The following SGSM3 variants were observed in gnomAD, a reference collection of about 807,000 sequenced individuals.
The protein encoded by SGSM3 is RUN and SH3 containing 3.
In SGSM3, 96 loss-of-function variants were observed where a neutral mutation model predicts 100.5. The observed-to-expected ratio is 0.96, with a 90% CI of 0.81 to 1.13. The LOEUF (loss-of-function observed/expected upper bound fraction) is 1.13. Among genes scored for constraint, SGSM3 ranks in the 50% most tolerant of loss-of-function variants. The probability of loss-of-function intolerance (pLI) is 0.00; values close to 1 mark genes in which losing one functional copy is unlikely to be tolerated. For synonymous variants in SGSM3, 483 were observed against 422.8 expected (o/e 1.14, Z -1.75); for missense variants, 1,001 against 1,015.8 (o/e 0.99, Z 0.20).
intron 1 of SGSM3, among the ~76,000 whole-genome samples, chr22:40,391,452 TAAAAG>T (rs1009000380): frequency 6.6e-6 from 1 of 151,980 alleles, no homozygotes; most frequent in Non-Finnish European, 1.5e-5. Context: ...TACAAAAAAA[TAAAAG>T]AAAATTAGCC....
At chr22:40,380,361 A>G (rs962122025) in intron 1 of SGSM3, among the ~76,000 whole-genome samples, 1 of 143,874 alleles carries the variant, frequency 7.0e-6, no homozygotes, top group African/African-American at 2.6e-5. Context: ...ATGAATATCT[A>G]TAATTTTTTT....
At chr22:40,386,562 C>CTTTT (rs60319316) in intron 1 of SGSM3, among the ~76,000 whole-genome samples, 1,111 of 68,354 alleles carry the variant, frequency 0.016, 54 homozygotes, top group Non-Finnish European at 0.019. Flanking sequence ...AATTTTCTTA[C>CTTTT]TTTTTTTTTT....
chr22:40,402,955 C>T (rs1270342244), intron 4 of SGSM3, among the ~76,000 whole-genome samples: 3 of 152,186 alleles, frequency 2.0e-5, no homozygotes, highest in Non-Finnish European at 4.4e-5. Flanking sequence ...AACTAATCAC[C>T]TTCAGGTCAC....
chr22:40,409,425 G>A, intron 20 of SGSM3, 40 bp from the exon 21 acceptor site: 2 of 1,568,234 alleles, frequency 1.3e-6, no homozygotes, highest in South Asian at 1.2e-5. Context: ...AGGGCTAGCT[G>A]GGGGTGACAA....
intron 17 of SGSM3, 28 bp downstream of exon 17, chr22:40,408,725 G>A: frequency 6.2e-7 from 1 of 1,613,712 alleles, no homozygotes; most frequent in Non-Finnish European, 8.5e-7. Flanking sequence ...CTTCTGGTGG[G>A]GTCACCAGCA....
intron 1 of SGSM3, among the ~76,000 whole-genome samples, chr22:40,396,316 G>A (rs1430561190): frequency 1.3e-5 from 2 of 152,108 alleles, no homozygotes; most frequent in African/African-American, 4.8e-5. Flanking sequence ...CTCAGGCCGG[G>A]TGCGGTGGCT....
In SGSM3 at chr22:40,407,422, C is replaced by T; in HGVS notation, c.1378C>T (p.Pro460Ser). 6.2e-7 allele frequency: 1 copy of T among 1,612,564 alleles called. No individual in the cohort carries two copies. Among genetic ancestry groups the T allele is most frequent in the Non-Finnish European group, 8.5e-7 (1 of 1,179,506 alleles). ...GTGTTCACTGTGGCAGGAGCTGACT[C>T]CAGACTATAGCATGGAGAGCCACCA... ...DPKNCSVELT[P>S]DYSMESHQRD... Residue 460 changes from proline (P) to serine (S), a missense_variant, in exon 13 of 22, where the codon CCA becomes TCA. Coordinates refer to ENST00000248929, the MANE Select transcript of SGSM3 (RefSeq NM_015705.6). The surrounding 1 kb of genome is among the most constrained non-coding windows in gnomAD (Gnocchi z 4.7).
Position 40,408,442 on chromosome 22 carries a change from C to T in SGSM3, c.1782+13C>T. 6.2e-7 allele frequency: 1 copy of T among 1,613,228 alleles called. No homozygotes were observed. Among genetic ancestry groups the T allele is most frequent in the Non-Finnish European group, 8.5e-7 (1 of 1,179,860 alleles). ...GTTTATCGAGGAGGTAAGTCAGTGG[C>T]TGGGCCCATGACCCCCACCCTGCAC... On this transcript the variant is annotated intron_variant, in intron 16 of 21. Coordinates refer to ENST00000248929, the MANE Select transcript of SGSM3 (RefSeq NM_015705.6).
At chr22:40,394,477 C>G (rs555273588) in intron 1 of SGSM3, among the ~76,000 whole-genome samples, 2 of 152,158 alleles carry the variant, frequency 1.3e-5, no homozygotes, top group African/African-American at 4.8e-5. Context: ...GAAACCCCAT[C>G]TCTACTAAAA....
chr22:40,379,161 G>A (rs934877536), intron 1 of SGSM3, among the ~76,000 whole-genome samples: 6 of 152,114 alleles, frequency 3.9e-5, no homozygotes, highest in Non-Finnish European at 5.9e-5. Context: ...TAGAATGCTG[G>A]GACTTTCAAA....
Position 40,400,744 on chromosome 22 carries a change from A to AGATAGCAGG in SGSM3, c.-62_-54dup. ...AAGCCTGAGGAGCCTTCCAGCTCTA[A>AGATAGCAGG]GATAGCAGGATAGGAGACTTCTAAG... On this transcript the variant is annotated 5_prime_UTR_variant, in exon 2 of 22. Coordinates refer to ENST00000248929, the MANE Select transcript of SGSM3 (RefSeq NM_015705.6). 6.6e-7 allele frequency: 1 copy of AGATAGCAGG among 1,523,256 alleles called. No individual in the cohort carries two copies. Among genetic ancestry groups the AGATAGCAGG allele is most frequent in the South Asian group, 1.2e-5 (1 of 83,532 alleles). 94.4% of individuals were successfully genotyped at this position (1,523,256 alleles called of 1,614,324 possible). A position where few individuals can be genotyped will look rare whatever the true frequency, so the allele number is the denominator to read the frequency against.
intron 8 of SGSM3, 81 bp from the exon 9 acceptor site, chr22:40,405,997 G>A: frequency 6.4e-7 from 1 of 1,550,780 alleles, no homozygotes. Flanking sequence ...TTGCTCTTAA[G>A]CAGGGAGGAC....
At chr22:40,395,510 C>T (rs555955828) in intron 1 of SGSM3, among the ~76,000 whole-genome samples, 8 of 152,078 alleles carry the variant, frequency 5.3e-5, no homozygotes, top group Non-Finnish European at 8.8e-5. Context: ...TTAGTGGAGA[C>T]GGGGTTTCAC....
chr22:40,404,371 G>T lies in SGSM3; in HGVS notation c.282G>T (p.Trp94Cys). Residue 94 changes from tryptophan (W) to cysteine (C), a missense_variant, in exon 5 of 22, where the codon TGG becomes TGT. Trp to Cys is a radical substitution (Grantham distance 215). Coordinates refer to ENST00000248929, the MANE Select transcript of SGSM3 (RefSeq NM_015705.6). ...ACCACGATGTGGGGGATCTCACCTG[G>T]GACAAGATTGCCGTCTCCCTACCCC... ...THNHDVGDLT[W>C]DKIAVSLPRS... 3.1e-6 allele frequency: 5 copies of T among 1,608,108 alleles called. No homozygotes were observed. Among genetic ancestry groups the T allele is most frequent in the Non-Finnish European group, 4.2e-6 (5 of 1,176,754 alleles).
Position 40,410,115 on chromosome 22 carries a change from A to T in SGSM3, c.*356A>T, listed in dbSNP as rs1213777656. The T allele has an allele frequency of 3.5e-6, 4 of 1,149,610 alleles. No homozygotes were observed. Among genetic ancestry groups the T allele is most frequent in the African/African-American group, 1.6e-5 (1 of 62,346 alleles). 71.2% of individuals were successfully genotyped at this position (1,149,610 alleles called of 1,614,324 possible). A position where few individuals can be genotyped will look rare whatever the true frequency, so the allele number is the denominator to read the frequency against. On this transcript the variant is annotated 3_prime_UTR_variant, in exon 22 of 22. Transcript: ENST00000248929. ...TGTGTCTGTCTTTGAGAAAGCACCT[A>T]CCTGTCTTCTGTGCAGCTAGGGCTG...
chr22:40,405,203 C>A lies in SGSM3; in HGVS notation c.537C>A (p.Ile179=). 1 of 1,589,138 alleles carries A rather than the reference C, an allele frequency of 6.3e-7. No individual in the cohort carries two copies. The highest frequency in any genetic ancestry group is 1.1e-5 in the South Asian group (1 of 88,766). Residue 179 remains isoleucine (I), a synonymous_variant, in exon 7 of 22, where the codon ATC becomes ATA. Coordinates refer to ENST00000248929, the MANE Select transcript of SGSM3 (RefSeq NM_015705.6). ...CCTGCTTCGCCAGCATGGGTAGCAT[C>A]GGGGTGCCCCGCCTGCGCAGGGTGC... The part of the protein sequence containing the change: ...SNACFASMGS[I]GVPRLRRVLR...
Position 40,408,405 on chromosome 22 carries a change from C to T in SGSM3, c.1758C>T (p.Cys586=), listed in dbSNP as rs2051972614. The T allele has an allele frequency of 1.2e-6, 2 of 1,613,362 alleles. No individual in the cohort carries two copies. ...LKKPSLLGGA[C]HPWLFIEEAA... ...AGCCATCCCTGCTTGGGGGCGCCTGCCACCCCTGGCTGTTTATCGAGGAGG... is the reference window on the plus strand; with the variant it reads ...AGCCATCCCTGCTTGGGGGCGCCTGTCACCCCTGGCTGTTTATCGAGGAGG... Residue 586 remains cysteine (C), a synonymous_variant, in exon 16 of 22, where the codon TGC becomes TGT. Transcript: ENST00000248929.
intron 21 of SGSM3, 34 bp from the exon 22 acceptor site, chr22:40,409,648 A>G (rs2052315426): frequency 1.9e-6 from 3 of 1,612,924 alleles, no homozygotes; most frequent in Admixed American, 3.4e-5. Context: ...GCCATGCCCA[A>G]GGCCTGTGAG....
intron 1 of SGSM3, chr22:40,390,531 G>T (rs975865122): frequency 6.6e-6 from 1 of 152,154 alleles, no homozygotes; most frequent in East Asian, 1.9e-4. Flanking sequence ...AGGGAGTTAC[G>T]TTGTATATAG....
Sources: gnomAD v4.1 joint callset for allele counts (sites outside exome capture counted in the v4.1 genomes callset) on GRCh38, gnomAD v4.1.1 for gene constraint, Gnocchi (gnomAD v3.1) non-coding constraint, MANE v1.5 for transcripts, NCBI Gene and HGNC (gene_info 2026-07-23, HGNC 2026-07-21) for gene names.